IL1RAPL1: variants seen among roughly 807,000 people sequenced by gnomAD.
The protein encoded by IL1RAPL1 is interleukin-1 receptor accessory protein-like 1.
Under a neutral mutation model 48.4 loss-of-function variants are expected in IL1RAPL1, and 3 were observed. The ratio of observed to expected loss-of-function variants is 0.06; its 90% CI spans 0.03 to 0.16. The LOEUF (loss-of-function observed/expected upper bound fraction) is 0.16, where lower values mean the gene tolerates loss of function less well. Among genes scored for constraint, IL1RAPL1 ranks in the 10% least tolerant of loss-of-function variants. IL1RAPL1 has a pLI of 1.00. For missense variants in IL1RAPL1, 349 were observed against 530.6 expected (o/e 0.66, Z 3.36); for synonymous variants, 185 against 187.7 (o/e 0.99, Z 0.12).
At chrX:29,097,697 G>GAA (rs199601514) in intron 2 of IL1RAPL1, among the ~76,000 whole-genome samples, 6 of 108,059 alleles carry the variant, frequency 5.6e-5, no homozygotes, top group Admixed American at 2.0e-4. Context: ...CAACTACACT[G>GAA]AAAAAAAAAT....
intron 5 of IL1RAPL1, among the ~76,000 whole-genome samples, chrX:29,446,152 T>G (rs1934609674): frequency 9.0e-6 from 1 of 111,585 alleles, no homozygotes; most frequent in Admixed American, 9.6e-5. Context: ...CTATATATTT[T>G]TTTTAATTAG....
chrX:29,583,700 C>T, intron 5 of IL1RAPL1, among the ~76,000 whole-genome samples: 1 of 89,482 alleles, frequency 1.1e-5, no homozygotes, highest in Non-Finnish European at 2.2e-5. Context: ...ACTTTCTTCA[C>T]AGAATTGGAA....
At chrX:29,923,884 C>T (rs1382915053) in intron 8 of IL1RAPL1, among the ~76,000 whole-genome samples, 1 of 112,061 alleles carries the variant, frequency 8.9e-6, no homozygotes, top group East Asian at 2.8e-4. Flanking sequence ...CAGATTCCTT[C>T]TTCACTCTCT....
chrX:29,686,623 T>G (rs1403398950), intron 6 of IL1RAPL1, among the ~76,000 whole-genome samples: 1 of 108,036 alleles, frequency 9.3e-6, no homozygotes, highest in African/African-American at 3.4e-5. Flanking sequence ...AGTGGTGCGA[T>G]CTCAGCTCAC....
At chrX:28,594,324 A>G (rs749206896) in intron 1 of IL1RAPL1, among the ~76,000 whole-genome samples, 1 of 112,184 alleles carries the variant, frequency 8.9e-6, no homozygotes, top group South Asian at 3.7e-4. Context: ...AAATATTCCC[A>G]TTCGAGTTTT....
At chrX:29,053,240 G>A (rs778038209) in intron 2 of IL1RAPL1, among the ~76,000 whole-genome samples, 4 of 111,926 alleles carry the variant, frequency 3.6e-5, no homozygotes, top group African/African-American at 9.7e-5. Flanking sequence ...AGTATTCCAC[G>A]TTGTATAAGT....
chrX:29,337,856 G>A (rs1444625790), intron 3 of IL1RAPL1, among the ~76,000 whole-genome samples: 2 of 110,063 alleles, frequency 1.8e-5, no homozygotes, highest in African/African-American at 3.3e-5. Flanking sequence ...TGTATTTTTA[G>A]GAGAGACAGA....
chrX:29,334,315 C>T (rs1932941881), intron 3 of IL1RAPL1, among the ~76,000 whole-genome samples: 1 of 86,329 alleles, frequency 1.2e-5, no homozygotes, highest in Non-Finnish European at 2.3e-5. Context: ...GGTGGCTGGC[C>T]GGGCGGGGGG....
At chrX:28,622,707 T>C (rs1482429920) in intron 1 of IL1RAPL1, among the ~76,000 whole-genome samples, 1 of 112,113 alleles carries the variant, frequency 8.9e-6, no homozygotes, top group Admixed American at 9.5e-5. Flanking sequence ...TAATCACAGC[T>C]GTTTTCTGTG....
At chrX:29,449,536 G>A (rs759983693) in intron 5 of IL1RAPL1, among the ~76,000 whole-genome samples, 37 of 110,385 alleles carry the variant, frequency 3.4e-4, no homozygotes, top group Non-Finnish European at 1.1e-4. Context: ...ATACCCACTT[G>A]GTGGTCATTT....
At chrX:29,583,667 C>A (rs1002171477) in intron 5 of IL1RAPL1, among the ~76,000 whole-genome samples, 1 of 78,996 alleles carries the variant, frequency 1.3e-5, no homozygotes, top group Admixed American at 1.5e-4. Context: ...AGATTCAATG[C>A]CATCCCCATC....
chrX:28,686,564 C>T (rs777598565), intron 1 of IL1RAPL1, among the ~76,000 whole-genome samples: 30 of 111,970 alleles, frequency 2.7e-4, no homozygotes, highest in Non-Finnish European at 5.3e-4. Context: ...CTTTCACTTT[C>T]CAGACAACAT....
At position 29,435,826 on chromosome X, in the gene IL1RAPL1, G is replaced by A. The variant is rs756811770; in HGVS notation, c.703+36518G>A. ...CTGAAGACCCAGCCTCACTAAATTTGCAAAAATAGTTTTTTAAAAATTGTA... is the reference window on the plus strand; with the variant it reads ...CTGAAGACCCAGCCTCACTAAATTTACAAAAATAGTTTTTTAAAAATTGTA... On this transcript the variant is annotated intron_variant, in intron 5 of 10. Transcript: ENST00000378993. 2.7e-5 allele frequency among the ~76,000 whole-genome samples: 3 copies of A among 110,213 alleles called. No individual in the cohort carries two copies. The Admixed American group carries it at 2.9e-4, about 11-fold the overall frequency.
intron 5 of IL1RAPL1, among the ~76,000 whole-genome samples, chrX:29,441,643 C>T (rs1404483864): frequency 1.8e-5 from 2 of 111,335 alleles, no homozygotes; most frequent in Non-Finnish European, 3.8e-5. Flanking sequence ...AAACTTTATC[C>T]TCAGGCAAAT....
chrX:29,543,115 T>TTCTCTCTC (rs59836290), intron 5 of IL1RAPL1, among the ~76,000 whole-genome samples: 1,236 of 91,656 alleles, frequency 0.013, 21 homozygotes, highest in African/African-American at 0.024. Flanking sequence ...ATCTGTTCGT[T>TTCTCTCTC]TCTCTCTCTC....
chrX:29,258,335 A>G (rs955063092), intron 2 of IL1RAPL1, among the ~76,000 whole-genome samples: 1 of 111,834 alleles, frequency 8.9e-6, no homozygotes, highest in African/African-American at 3.2e-5. Flanking sequence ...GACAACTTGA[A>G]CTAATTTTCA....
intron 3 of IL1RAPL1, among the ~76,000 whole-genome samples, chrX:29,346,060 C>T (rs1287125716): frequency 8.9e-6 from 1 of 111,862 alleles, no homozygotes; most frequent in Non-Finnish European, 1.9e-5. Context: ...CCAAAAGGCT[C>T]CAATGAGGAA....
chrX:28,599,723 A>G (rs1234138273), intron 1 of IL1RAPL1, among the ~76,000 whole-genome samples: 1 of 112,099 alleles, frequency 8.9e-6, no homozygotes, highest in Admixed American at 9.5e-5. Context: ...TTGCCATCTA[A>G]AGCTTATGGA....
intron 2 of IL1RAPL1, among the ~76,000 whole-genome samples, chrX:29,260,236 GCTAA>G (rs1931828811): frequency 8.9e-6 from 1 of 112,502 alleles, no homozygotes; most frequent in Non-Finnish European, 1.9e-5. Context: ...GGTTTCAAGA[GCTAA>G]CTGAGGATAA....
Sources: allele counts gnomAD v4.1 joint callset (sites outside exome capture counted in the v4.1 genomes callset), GRCh38; gene constraint gnomAD v4.1.1; transcripts MANE v1.5; gene names NCBI Gene and HGNC (gene_info 2026-07-23, HGNC 2026-07-21).